Variants in CRISP2 observed in about 807,000 individuals in gnomAD.
CRISP2 encodes the protein cysteine rich secretory protein 2, also known as cysteine-rich secretory protein 2.
CRISP2 carries 29 observed loss-of-function variants against 31.7 expected under a neutral mutation model. The ratio of observed to expected loss-of-function variants is 0.92; its 90% CI spans 0.68 to 1.25. The LOEUF (loss-of-function observed/expected upper bound fraction) is 1.25, where lower values mean the gene tolerates loss of function less well. Among genes scored for constraint, CRISP2 ranks in the 50% most tolerant of loss-of-function variants. CRISP2 has a pLI of 0.00. For missense variants in CRISP2, 318 were observed against 286.5 expected, an observed-to-expected ratio of 1.11 and a Z score of -0.79; for synonymous variants, 111 against 101.4, an observed-to-expected ratio of 1.09 and a Z score of -0.57.
rs765925773 is a variant in CRISP2 at position 49,697,860 on chromosome 6, G to A, written c.515C>T (p.Ala172Val). The A allele has an allele frequency of 4.3e-5, 69 of 1,610,330 alleles. No homozygotes were observed. In the Admixed American group the frequency reaches 6.7e-4, roughly 16 times the overall value. ...KYYYVCQYCP[A>V]GNNMNRKNTP... is the part of the protein sequence containing the mutation. ...ATTAAACTCTAAACAGTCTACTTAC[G>A]CAGGACAATATTGGCAAACATAGTA... Residue 172 changes from alanine to valine, a missense_variant and splice_region_variant, in exon 8 of 10, where the codon GCT becomes GTT. Transcript: ENST00000339139.
At chr6:49,683,159 AAAAT>A in the CRISP2 span, among the ~76,000 whole-genome samples, 28,567 of 141,410 alleles carry the variant, frequency 0.2, 3,480 homozygotes, top group Non-Finnish European at 0.27. Context: ...ACTCCATCTC[AAAAT>A]AAATAAATAA....
At chr6:49,707,149 AT>A (rs1767181458) in intron 4 of CRISP2, among the ~76,000 whole-genome samples, 1 of 152,206 alleles carries the variant, frequency 6.6e-6, no homozygotes, top group Admixed American at 6.5e-5. Flanking sequence ...TAATAAAGTT[AT>A]TACATGACTA....
chr6:49,703,497 A>G (rs905420534), intron 4 of CRISP2, among the ~76,000 whole-genome samples: 3 of 152,090 alleles, frequency 2.0e-5, no homozygotes, highest in African/African-American at 7.2e-5. Flanking sequence ...AATTTCTTTC[A>G]GCAGTGTTCT....
chr6:49,698,162 A>G (rs1328025746), intron 7 of CRISP2, among the ~76,000 whole-genome samples, 200 bp downstream of exon 7: 1 of 152,168 alleles, frequency 6.6e-6, no homozygotes, highest in Non-Finnish European at 1.5e-5. Context: ...TAATGTAGGA[A>G]CAATACAGAG....
chr6:49,698,037 A>T (rs575562), intron 7 of CRISP2, 80 bp from the exon 8 acceptor site: 182,867 of 1,151,938 alleles, frequency 0.16, 16,756 homozygotes, highest in Non-Finnish European at 0.19. Flanking sequence ...CAAATATAAA[A>T]CTGAAAAATG....
Position 49,692,691 on chromosome 6 carries a change from T to G in CRISP2, c.*82A>C. The G allele has an allele frequency of 7.4e-7, 1 of 1,344,558 alleles. No homozygotes were observed. The highest frequency in any genetic ancestry group is 2.4e-5 in the East Asian group (1 of 41,466). 83.3% of individuals were successfully genotyped at this position (1,344,558 alleles called of 1,614,324 possible). On this transcript the variant is annotated 3_prime_UTR_variant, in exon 10 of 10. Transcript: ENST00000339139. ...TTTGAAATCAAATTTGTCACTAACA[T>G]ACATACAATTTCCACTGGTATGTCG...
intron 4 of CRISP2, among the ~76,000 whole-genome samples, chr6:49,708,258 C>T (rs1039507116): frequency 2.0e-5 from 3 of 152,138 alleles, no homozygotes; most frequent in African/African-American, 7.2e-5. Flanking sequence ...ACATGATATG[C>T]AATTTTAATT....
At chr6:49,687,309 A>G in the CRISP2 span, among the ~76,000 whole-genome samples, 1 of 152,234 alleles carries the variant, frequency 6.6e-6, no homozygotes, top group African/African-American at 2.4e-5. Flanking sequence ...TTATTAATGT[A>G]TTAGCATATT....
chr6:49,693,600 G>A (rs1355380685), intron 9 of CRISP2, among the ~76,000 whole-genome samples: 6 of 152,170 alleles, frequency 3.9e-5, no homozygotes, highest in Non-Finnish European at 7.3e-5. Context: ...ATTCTCAGCA[G>A]TGATCTCCCT....
chr6:49,682,523 T>C, the CRISP2 span, among the ~76,000 whole-genome samples: 2 of 122,882 alleles, frequency 1.6e-5, no homozygotes. Context: ...TCTTCCTCCT[T>C]CTCCTTCCTT....
chr6:49,702,908 A>T (rs1766347270), intron 4 of CRISP2, among the ~76,000 whole-genome samples: 1 of 152,014 alleles, frequency 6.6e-6, no homozygotes, highest in East Asian at 1.9e-4. Flanking sequence ...CCAATGTCTA[A>T]AAGAGTTTTT....
At chr6:49,690,117 T>C (rs1764002097), downstream of CRISP2, among the ~76,000 whole-genome samples, 1 of 152,158 alleles carries the variant, frequency 6.6e-6, no homozygotes, top group Non-Finnish European at 1.5e-5. Context: ...TTTAATATTC[T>C]GTACCCTTAG....
At chr6:49,684,297 T>A in the CRISP2 span, among the ~76,000 whole-genome samples, 1 of 152,212 alleles carries the variant, frequency 6.6e-6, no homozygotes, top group African/African-American at 2.4e-5. Context: ...CTAGATTGCT[T>A]ATAATACCAG....
intron 9 of CRISP2, among the ~76,000 whole-genome samples, chr6:49,694,916 T>C (rs1389847438): frequency 2.0e-5 from 3 of 151,988 alleles, no homozygotes; most frequent in Admixed American, 1.3e-4. Context: ...GTATTTTTAG[T>C]AGAGATGCAG....
intron 1 of CRISP2, 95 bp from the exon 2 acceptor site, chr6:49,712,699 C>T (rs752606429): frequency 6.6e-6 from 1 of 152,088 alleles, no homozygotes; most frequent in Non-Finnish European, 1.5e-5. Flanking sequence ...AATTTTGACT[C>T]AATTGTTTAG....
upstream of CRISP2, among the ~76,000 whole-genome samples, chr6:49,714,094 C>T (rs996184560): frequency 2.6e-5 from 4 of 152,152 alleles, no homozygotes; most frequent in Non-Finnish European, 5.9e-5. Context: ...TATGAAAATA[C>T]GCAGAACTCC....
chr6:49,684,636 T>TA, the CRISP2 span, among the ~76,000 whole-genome samples: 18 of 152,310 alleles, frequency 1.2e-4, no homozygotes, highest in African/African-American at 3.6e-4. Context: ...ATACTTAACT[T>TA]AAAAAAGAAA....
At chr6:49,708,131 A>T (rs922148800) in intron 4 of CRISP2, among the ~76,000 whole-genome samples, 1 of 152,270 alleles carries the variant, frequency 6.6e-6, no homozygotes, top group East Asian at 1.9e-4. Context: ...TTAATTTTGT[A>T]TAGGGATCTC....
chr6:49,686,248 A>T, the CRISP2 span, among the ~76,000 whole-genome samples: 2 of 152,236 alleles, frequency 1.3e-5, no homozygotes, highest in African/African-American at 4.8e-5. Context: ...GTGTGGATGC[A>T]TTGTAGTTTA....
Sources: allele counts gnomAD v4.1 joint callset (sites outside exome capture counted in the v4.1 genomes callset), GRCh38; gene constraint gnomAD v4.1.1; transcripts MANE v1.5; gene names NCBI Gene and HGNC (gene_info 2026-07-23, HGNC 2026-07-21).